SDK1: variants seen among roughly 807,000 people sequenced by gnomAD.
SDK1 encodes the protein sidekick cell adhesion molecule 1.
Under a neutral mutation model 245.5 loss-of-function variants are expected in SDK1, and 157 were observed. That is an observed-to-expected ratio of 0.64 (90% CI 0.56 to 0.73). The LOEUF (loss-of-function observed/expected upper bound fraction) is 0.73, where lower values mean the gene tolerates loss of function less well. SDK1 is among the 30% of genes least tolerant of loss of function. The probability of loss-of-function intolerance (pLI) is 0.00; values close to 1 mark genes in which losing one functional copy is unlikely to be tolerated. For missense variants in SDK1, 3,583 were observed against 3,002.3 expected (o/e 1.19, Z -4.52); for synonymous variants, 1,647 against 1,278.5 (o/e 1.29, Z -6.15).
At chr7:3,833,338 A>G (rs1018656553) in intron 5 of SDK1, among the ~76,000 whole-genome samples, 2 of 152,082 alleles carry the variant, frequency 1.3e-5, no homozygotes, top group African/African-American at 4.8e-5. Flanking sequence ...ATTAACGGCC[A>G]TGTCTGGTAT....
At chr7:3,996,870 C>G (rs1217133001) in intron 14 of SDK1, among the ~76,000 whole-genome samples, 1 of 151,892 alleles carries the variant, frequency 6.6e-6, no homozygotes. Context: ...ATAGTAATGT[C>G]TCTTGTGTTT....
At chr7:3,527,715 A>G (rs1783191215) in intron 1 of SDK1, among the ~76,000 whole-genome samples, 1 of 147,292 alleles carries the variant, frequency 6.8e-6, no homozygotes, top group Admixed American at 6.8e-5. Flanking sequence ...ATAGCCAACT[A>G]GGGGGTGAGT....
At chr7:4,172,705 C>A (rs1440631615) in intron 32 of SDK1, among the ~76,000 whole-genome samples, 1 of 152,158 alleles carries the variant, frequency 6.6e-6, no homozygotes, top group Non-Finnish European at 1.5e-5. Flanking sequence ...CAGGGTCCTG[C>A]TGCCTCTGAG....
chr7:3,980,108 C>G (rs1373136653), intron 13 of SDK1, among the ~76,000 whole-genome samples: 1 of 152,124 alleles, frequency 6.6e-6, no homozygotes, highest in African/African-American at 2.4e-5. Context: ...TGGGTTTGAC[C>G]AAGTCATCAT....
At chr7:3,449,398 T>C (rs1780444296) in intron 1 of SDK1, among the ~76,000 whole-genome samples, 1 of 151,178 alleles carries the variant, frequency 6.6e-6, no homozygotes, top group African/African-American at 2.4e-5. Flanking sequence ...GAAATGTTTA[T>C]TGGATTTAGC....
At chr7:3,959,155 T>C in intron 8 of SDK1, 141 bp downstream of exon 8, 1 of 700,594 alleles carries the variant, frequency 1.4e-6, no homozygotes, top group Middle Eastern at 3.9e-4. Flanking sequence ...AGATCGGTCT[T>C]GGGGCAGTGA....
intron 1 of SDK1, among the ~76,000 whole-genome samples, chr7:3,398,506 A>C (rs893364800): frequency 1.3e-5 from 2 of 152,022 alleles, no homozygotes; most frequent in African/African-American, 4.8e-5. Context: ...AAGTTCTGAC[A>C]AAGTAGTTTC....
At chr7:3,324,674 T>G (rs1779898706) in intron 1 of SDK1, among the ~76,000 whole-genome samples, 1 of 152,172 alleles carries the variant, frequency 6.6e-6, no homozygotes, top group Non-Finnish European at 1.5e-5. Context: ...GGCTCTTACT[T>G]TTACTGTTAA....
At chr7:4,037,038 C>T (rs1384983436) in intron 17 of SDK1, among the ~76,000 whole-genome samples, 1 of 152,158 alleles carries the variant, frequency 6.6e-6, no homozygotes, top group East Asian at 1.9e-4. Flanking sequence ...CAAAGTGAGA[C>T]CCCTTCACCA....
chr7:3,785,539 A>G (rs573746406), intron 4 of SDK1, among the ~76,000 whole-genome samples: 1 of 152,236 alleles, frequency 6.6e-6, no homozygotes, highest in Non-Finnish European at 1.5e-5. Context: ...TGCTTAGGAC[A>G]TGTGAAAACA....
chr7:3,827,294 G>C (rs773527447), intron 5 of SDK1, among the ~76,000 whole-genome samples: 1 of 152,168 alleles, frequency 6.6e-6, no homozygotes, highest in Non-Finnish European at 1.5e-5. Context: ...CCTATTTTCA[G>C]TCCTTTCATA....
chr7:3,481,531 C>T (rs947713888), intron 1 of SDK1, among the ~76,000 whole-genome samples: 1 of 152,218 alleles, frequency 6.6e-6, no homozygotes, highest in African/African-American at 2.4e-5. Context: ...CAACTGGGTC[C>T]AGCCAGTGAG....
At chr7:4,013,436 T>C (rs1786143748) in intron 16 of SDK1, among the ~76,000 whole-genome samples, 1 of 152,240 alleles carries the variant, frequency 6.6e-6, no homozygotes, top group South Asian at 2.1e-4. Flanking sequence ...GGTATCCGCT[T>C]ATTCCCTTCC....
intron 4 of SDK1, among the ~76,000 whole-genome samples, chr7:3,786,529 C>G (rs964164485): frequency 6.6e-6 from 1 of 152,140 alleles, no homozygotes; most frequent in Non-Finnish European, 1.5e-5. Flanking sequence ...TCTTATAAGC[C>G]TCTCCATGTA....
intron 1 of SDK1, among the ~76,000 whole-genome samples, chr7:3,555,992 A>G (rs941623787): frequency 2.6e-5 from 4 of 152,230 alleles, no homozygotes; most frequent in African/African-American, 7.2e-5. Context: ...GGAAACCACC[A>G]TGGAGAGCAG....
intron 1 of SDK1, among the ~76,000 whole-genome samples, chr7:3,357,500 C>A (rs1303908552): frequency 6.6e-6 from 1 of 151,462 alleles, no homozygotes; most frequent in Non-Finnish European, 1.5e-5. Flanking sequence ...CAGGTGCATG[C>A]CACGATACCT....
At chr7:3,505,915 C>T (rs993269328) in intron 1 of SDK1, among the ~76,000 whole-genome samples, 1 of 151,964 alleles carries the variant, frequency 6.6e-6, no homozygotes, top group African/African-American at 2.4e-5. Flanking sequence ...CCTTCCTGCC[C>T]CTTGTGCAAT....
chr7:4,017,377 G>A, intron 17 of SDK1, 25 bp downstream of exon 17: 9 of 1,584,292 alleles, frequency 5.7e-6, no homozygotes, highest in Non-Finnish European at 7.7e-6. Context: ...AAAACCACGA[G>A]GTGGCGGGAT....
At chr7:4,120,171 A>G (rs1677785596) in intron 25 of SDK1, among the ~76,000 whole-genome samples, 1 of 148,966 alleles carries the variant, frequency 6.7e-6, no homozygotes, top group Admixed American at 6.7e-5. Context: ...CACATAGCTA[A>G]TAGGACTCGA....
Sources: gnomAD v4.1 joint callset for allele counts (sites outside exome capture counted in the v4.1 genomes callset) on GRCh38, gnomAD v4.1.1 for gene constraint, MANE v1.5 for transcripts, NCBI Gene and HGNC (gene_info 2026-07-23, HGNC 2026-07-21) for gene names.